Variants in FARS2 observed in about 807,000 individuals in gnomAD.
The protein encoded by FARS2 is phenylalanyl-tRNA synthetase 2, mitochondrial, also known as phenylalanine--tRNA ligase, mitochondrial.
Under a neutral mutation model 46.4 loss-of-function variants are expected in FARS2, and 40 were observed. The ratio of observed to expected loss-of-function variants is 0.86; its 90% CI spans 0.67 to 1.12. The LOEUF (loss-of-function observed/expected upper bound fraction) is 1.12. Among genes scored for constraint, FARS2 ranks in the 50% most tolerant of loss-of-function variants. The probability of loss-of-function intolerance (pLI) is 0.00; values close to 1 mark genes in which losing one functional copy is unlikely to be tolerated. For missense variants in FARS2, 513 were observed against 567.9 expected, an observed-to-expected ratio of 0.90 and a Z score of 0.98; for synonymous variants, 234 against 214.9, an observed-to-expected ratio of 1.09 and a Z score of -0.78.
chr6:5,740,419 A>T (rs1761258380), intron 6 of FARS2, among the ~76,000 whole-genome samples: 1 of 152,152 alleles, frequency 6.6e-6, no homozygotes, highest in Non-Finnish European at 1.5e-5. Flanking sequence ...TGAGGTAAGT[A>T]AATAGTAGAG....
At chr6:5,494,800 C>T (rs1193061905) in intron 4 of FARS2, among the ~76,000 whole-genome samples, 1 of 152,104 alleles carries the variant, frequency 6.6e-6, no homozygotes, top group Non-Finnish European at 1.5e-5. Context: ...TTTCTTTTTC[C>T]TCTCTCCCCC....
At chr6:5,511,277 A>G (rs1445727228) in intron 4 of FARS2, among the ~76,000 whole-genome samples, 1 of 152,196 alleles carries the variant, frequency 6.6e-6, no homozygotes, top group African/African-American at 2.4e-5. Context: ...GGAGAAGGAA[A>G]GCATTTGTGC....
chr6:5,593,957 T>C (rs1476898332), intron 5 of FARS2, among the ~76,000 whole-genome samples: 3 of 151,918 alleles, frequency 2.0e-5, no homozygotes, highest in African/African-American at 7.3e-5. Flanking sequence ...GTGGAAGGAG[T>C]GTTTCCACGT....
intron 1 of FARS2, among the ~76,000 whole-genome samples, chr6:5,277,954 A>T (rs1345257629): frequency 6.6e-6 from 1 of 152,118 alleles, no homozygotes; most frequent in Non-Finnish European, 1.5e-5. Context: ...GATACTTAGG[A>T]GTTTGATGTC....
intron 1 of FARS2, among the ~76,000 whole-genome samples, chr6:5,283,026 C>T (rs1208243244): frequency 6.6e-6 from 1 of 151,956 alleles, no homozygotes; most frequent in African/African-American, 2.4e-5. Context: ...CATTTGAGGT[C>T]AGGAGTTCAA....
At chr6:5,392,468 C>A (rs1223090702) in intron 2 of FARS2, among the ~76,000 whole-genome samples, 1 of 152,126 alleles carries the variant, frequency 6.6e-6, no homozygotes, top group Non-Finnish European at 1.5e-5. Context: ...TGACTGACCT[C>A]TTTTGCTTAG....
At chr6:5,373,735 T>A (rs1759205252) in intron 2 of FARS2, among the ~76,000 whole-genome samples, 3 of 152,076 alleles carry the variant, frequency 2.0e-5, no homozygotes, top group Admixed American at 2.0e-4. Context: ...CATGTATCAG[T>A]TTGTGATCCT....
intron 4 of FARS2, among the ~76,000 whole-genome samples, chr6:5,474,213 C>G (rs1180610439): frequency 6.6e-6 from 1 of 152,214 alleles, no homozygotes; most frequent in Non-Finnish European, 1.5e-5. Flanking sequence ...GCTTCAGTAA[C>G]CAGGGCCAGC....
chr6:5,730,884 G>T (rs1400199556), intron 6 of FARS2, among the ~76,000 whole-genome samples: 1 of 152,168 alleles, frequency 6.6e-6, no homozygotes, highest in Non-Finnish European at 1.5e-5. Context: ...AGCCCTAGAT[G>T]GTCTTTTAGA....
At chr6:5,474,132 C>T (rs898983743) in intron 4 of FARS2, among the ~76,000 whole-genome samples, 4 of 152,194 alleles carry the variant, frequency 2.6e-5, no homozygotes, top group African/African-American at 7.2e-5. Flanking sequence ...GCATACTTCT[C>T]GAGCCATCAT....
At chr6:5,335,073 G>T (rs1278859480) in intron 1 of FARS2, among the ~76,000 whole-genome samples, 1 of 152,146 alleles carries the variant, frequency 6.6e-6, no homozygotes, top group East Asian at 1.9e-4. Context: ...GGCTTCTAAG[G>T]TGTGTCACCA....
At chr6:5,600,176 T>C (rs1209827154) in intron 5 of FARS2, among the ~76,000 whole-genome samples, 1 of 152,208 alleles carries the variant, frequency 6.6e-6, no homozygotes, top group Non-Finnish European at 1.5e-5. Flanking sequence ...TATTGAAACA[T>C]CAAAAGTTAA....
At position 5,378,311 on chromosome 6, in the gene FARS2, C is replaced by G. The variant is rs1019923646; in HGVS notation, c.612+9129C>G. Among the ~76,000 whole-genome samples the G allele has an allele frequency of 3.3e-5, 5 of 152,266 alleles. No homozygotes were observed. In the South Asian group the frequency reaches 8.3e-4, roughly 25 times the overall value. ...AGGGGCTCCTTCCACGGAGGCTGCT[C>G]CTGCCCTCACGATTCCTTCCCGCTG... is the stretch of plus-strand genomic sequence containing the variant. On this transcript the variant is annotated intron_variant, in intron 2 of 6. Coordinates refer to ENST00000274680, the MANE Select transcript of FARS2 (RefSeq NM_006567.5).
chr6:5,581,345 A>G (rs1483138217), intron 5 of FARS2, among the ~76,000 whole-genome samples: 5 of 152,234 alleles, frequency 3.3e-5, no homozygotes, highest in Non-Finnish European at 7.3e-5. Flanking sequence ...AGGGTCGGCC[A>G]TCGTGGGCAG....
At chr6:5,513,792 G>A (rs910460239) in intron 4 of FARS2, among the ~76,000 whole-genome samples, 2 of 152,114 alleles carry the variant, frequency 1.3e-5, no homozygotes, top group Non-Finnish European at 2.9e-5. Context: ...AGAGTTTATT[G>A]CTGTCTAAGT....
At chr6:5,362,446 T>C (rs1758363662) in intron 1 of FARS2, among the ~76,000 whole-genome samples, 1 of 152,214 alleles carries the variant, frequency 6.6e-6, no homozygotes, top group Non-Finnish European at 1.5e-5. Flanking sequence ...TTCTATTGTA[T>C]ACATACATCA....
chr6:5,420,492 G>A (rs1194079819), intron 3 of FARS2, among the ~76,000 whole-genome samples: 1 of 152,186 alleles, frequency 6.6e-6, no homozygotes, highest in East Asian at 1.9e-4. Flanking sequence ...TACTGGCATT[G>A]GGTAAATACA....
intron 2 of FARS2, among the ~76,000 whole-genome samples, chr6:5,384,480 G>C (rs570747137): frequency 7.9e-5 from 12 of 152,306 alleles, no homozygotes; most frequent in Admixed American, 7.2e-4. Context: ...GAATCCCATG[G>C]GATGGAATCT....
chr6:5,342,660 G>C (rs1358849195), intron 1 of FARS2, among the ~76,000 whole-genome samples: 1 of 152,028 alleles, frequency 6.6e-6, no homozygotes, highest in African/African-American at 2.4e-5. Context: ...GCTGAGGCGG[G>C]AGAATTGCTT....
Sources: gnomAD v4.1 joint callset for allele counts (sites outside exome capture counted in the v4.1 genomes callset) on GRCh38, gnomAD v4.1.1 for gene constraint, MANE v1.5 for transcripts, NCBI Gene and HGNC (gene_info 2026-07-23, HGNC 2026-07-21) for gene names.